Variants in HPCAL1 observed in about 807,000 individuals in gnomAD.
The protein encoded by HPCAL1 is hippocalcin like 1, also known as hippocalcin-like protein 1.
In HPCAL1, 8 loss-of-function variants were observed where a neutral mutation model predicts 17.1. The ratio of observed to expected loss-of-function variants is 0.47; its 90% confidence interval spans 0.27 to 0.84. HPCAL1 has a LOEUF of 0.84. Among genes scored for constraint, HPCAL1 ranks in the 40% least tolerant of loss-of-function variants. The probability of loss-of-function intolerance (pLI) is 0.13; values close to 1 mark genes in which losing one functional copy is unlikely to be tolerated. For missense variants in HPCAL1, 165 were observed against 271.1 expected, an observed-to-expected ratio of 0.61 and a Z score of 2.75; for synonymous variants, 112 against 111.4, an observed-to-expected ratio of 1.01 and a Z score of -0.03.
intron 1 of HPCAL1, among the ~76,000 whole-genome samples, chr2:10,391,687 A>T (rs917234301): frequency 6.6e-6 from 1 of 152,220 alleles, no homozygotes; most frequent in Non-Finnish European, 1.5e-5. Flanking sequence ...TGGACATTTT[A>T]TATAGATGGA....
At chr2:10,388,931 C>A (rs1668507995) in intron 1 of HPCAL1, among the ~76,000 whole-genome samples, 1 of 151,982 alleles carries the variant, frequency 6.6e-6, no homozygotes, top group African/African-American at 2.4e-5. Context: ...GTCATTAGTG[C>A]CCTTATAGGA....
At chr2:10,349,651 C>T (rs1368279511) in intron 1 of HPCAL1, among the ~76,000 whole-genome samples, 1 of 120,798 alleles carries the variant, frequency 8.3e-6, no homozygotes, top group Admixed American at 1.1e-4. Flanking sequence ...TGCAGTGATC[C>T]GAGATCATGC....
chr2:10,348,807 G>A (rs978938750), intron 1 of HPCAL1, among the ~76,000 whole-genome samples: 2 of 152,048 alleles, frequency 1.3e-5, no homozygotes, highest in African/African-American at 4.8e-5. Context: ...CTGGATTCTG[G>A]CCTTCTCCTG....
At chr2:10,379,422 AG>A (rs779728446) in intron 1 of HPCAL1, among the ~76,000 whole-genome samples, 4 of 147,802 alleles carry the variant, frequency 2.7e-5, no homozygotes, top group Admixed American at 6.7e-5. Context: ...GGGAGTGGAC[AG>A]GCCTGGCTCC....
chr2:10,320,774 A>G (rs1209372208), intron 1 of HPCAL1, among the ~76,000 whole-genome samples: 2 of 152,194 alleles, frequency 1.3e-5, no homozygotes, highest in African/African-American at 2.4e-5. Flanking sequence ...TCATTCACAT[A>G]GTACCTAGTA....
chr2:10,403,452 TTTTGTGTGTGTGTGTGTGTGTG>T (rs1237613645), intron 2 of HPCAL1, among the ~76,000 whole-genome samples: 4,032 of 144,202 alleles, frequency 0.028, 156 homozygotes, highest in African/African-American at 0.077. Flanking sequence ...CAAAGAGTTC[TTTTGTGTGTGTGTGTGTGTGTG>T]TGTGTGTGTG....
intron 1 of HPCAL1, among the ~76,000 whole-genome samples, chr2:10,393,231 CTCTA>C (rs1323066348): frequency 7.2e-5 from 11 of 152,376 alleles, no homozygotes; most frequent in Admixed American, 4.6e-4. Context: ...TGACTGTAAT[CTCTA>C]TCTGTCACTG....
At chr2:10,380,807 A>G (rs1558502255) in intron 1 of HPCAL1, among the ~76,000 whole-genome samples, 1 of 152,150 alleles carries the variant, frequency 6.6e-6, no homozygotes, top group Non-Finnish European at 1.5e-5. Flanking sequence ...GGCACATATC[A>G]TTGGCCGCAA....
chr2:10,366,423 A>G (rs1387123524), intron 1 of HPCAL1, among the ~76,000 whole-genome samples: 1 of 152,030 alleles, frequency 6.6e-6, no homozygotes, highest in Non-Finnish European at 1.5e-5. Context: ...TTTGGTAGAG[A>G]CGGGGTTTCA....
chr2:10,427,417 C>G lies in HPCAL1; in HGVS notation c.*596C>G, dbSNP rs900857819. The stretch of plus-strand genomic sequence containing the variant: ...CTTTGAAGCGCAGCCCTCTGTGGCC[C>G]GCAGCCCCCTGAGCCTGGCTGTTGT... On this transcript the variant is annotated 3_prime_UTR_variant, in exon 5 of 5. Transcript: ENST00000307845. The G allele has an allele frequency of 6.6e-6, 1 of 152,488 alleles. No individual in the cohort carries two copies. 9.4% of individuals were successfully genotyped at this position (152,488 alleles called of 1,614,324 possible). A position where few individuals can be genotyped will look rare whatever the true frequency, so the allele number is the denominator to read the frequency against.
At chr2:10,309,261 C>A (rs926383524) in intron 1 of HPCAL1, among the ~76,000 whole-genome samples, 2 of 152,054 alleles carry the variant, frequency 1.3e-5, no homozygotes, top group Non-Finnish European at 2.9e-5. Flanking sequence ...CTTGAGCTCC[C>A]GGGCTCAAAT....
intron 2 of HPCAL1, among the ~76,000 whole-genome samples, chr2:10,408,023 C>T (rs1010621120): frequency 6.6e-6 from 1 of 152,184 alleles, no homozygotes; most frequent in Non-Finnish European, 1.5e-5. Flanking sequence ...CTGAGGCGAG[C>T]GTGCCACACG....
chr2:10,378,984 C>T (rs1168715281), intron 1 of HPCAL1, among the ~76,000 whole-genome samples: 1 of 152,084 alleles, frequency 6.6e-6, no homozygotes, highest in Non-Finnish European at 1.5e-5. Flanking sequence ...TGTTTCAGGT[C>T]CCGCTTTTTC....
Position 10,394,456 on chromosome 2 carries a change from GATC to G in HPCAL1, c.-110-2375_-110-2373del, listed in dbSNP as rs1299078889. ...CGGAGCTGTGAGATAAATTGGCTGAGATCATCGATTTGAAAACGCCGTGAGAAA... is the reference window on the plus strand; with the variant it reads ...CGGAGCTGTGAGATAAATTGGCTGAGATCGATTTGAAAACGCCGTGAGAAA... On this transcript the variant is annotated intron_variant, in intron 1 of 4. Transcript: ENST00000307845. This position sits in a 1 kb window ranked among gnomAD's most constrained non-coding sequence, Gnocchi z 5.0. 8.5e-5 allele frequency among the ~76,000 whole-genome samples: 13 copies of G among 152,206 alleles called. No individual in the cohort carries two copies. Among genetic ancestry groups the G allele is most frequent in the Non-Finnish European group, 1.8e-4 (12 of 68,044 alleles).
Position 10,304,741 on chromosome 2 carries a change from G to A in HPCAL1, c.-111+1564G>A, listed in dbSNP as rs1245724329. 6.6e-6 allele frequency among the ~76,000 whole-genome samples: 1 copy of A among 152,218 alleles called. No individual in the cohort carries two copies. Among genetic ancestry groups the A allele is most frequent in the Non-Finnish European group, 1.5e-5 (1 of 68,050 alleles). On this transcript the variant is annotated intron_variant, in intron 1 of 4. Transcript: ENST00000307845. This position sits in a 1 kb window ranked among gnomAD's most constrained non-coding sequence, Gnocchi z 4.1. ...GGGTCGGGTGGCTCTCGGCCAGAGCGAAGGATATTCTTTCCCTTCATCGCC... is the reference window on the plus strand; with the variant it reads ...GGGTCGGGTGGCTCTCGGCCAGAGCAAAGGATATTCTTTCCCTTCATCGCC...
At chr2:10,386,480 G>A (rs1668315857) in intron 1 of HPCAL1, among the ~76,000 whole-genome samples, 2 of 152,184 alleles carry the variant, frequency 1.3e-5, no homozygotes, top group African/African-American at 2.4e-5. Flanking sequence ...GCTTTGATGT[G>A]GGGAGAAAGA....
chr2:10,364,343 G>A (rs947165936), intron 1 of HPCAL1, among the ~76,000 whole-genome samples: 22 of 152,340 alleles, frequency 1.4e-4, no homozygotes, highest in African/African-American at 1.4e-4. Context: ...AGAGGTGAGG[G>A]TGAGGCCCCC....
chr2:10,348,451 A>T (rs899902815), intron 1 of HPCAL1, among the ~76,000 whole-genome samples: 3 of 149,508 alleles, frequency 2.0e-5, no homozygotes, highest in Admixed American at 1.3e-4. Context: ...TCCATCTCAA[A>T]AAACAAAAAA....
intron 1 of HPCAL1, among the ~76,000 whole-genome samples, chr2:10,307,062 A>C (rs971729700): frequency 2.6e-5 from 4 of 152,146 alleles, no homozygotes; most frequent in African/African-American, 9.7e-5. Flanking sequence ...GGTACTACCC[A>C]AGTTGGCAGG....
Sources: gnomAD v4.1 joint callset for allele counts (sites outside exome capture counted in the v4.1 genomes callset) on GRCh38, gnomAD v4.1.1 for gene constraint, Gnocchi (gnomAD v3.1) non-coding constraint, MANE v1.5 for transcripts, NCBI Gene and HGNC (gene_info 2026-07-23, HGNC 2026-07-21) for gene names.